The following SRGAP2C variants were observed in gnomAD, a reference collection of about 807,000 sequenced individuals.
The protein encoded by SRGAP2C is SLIT-ROBO Rho GTPase-activating protein 2C.
Under a neutral mutation model 25.1 loss-of-function variants are expected in SRGAP2C, and 15 were observed. That is an observed-to-expected ratio of 0.60 (90% confidence interval 0.40 to 0.92). The LOEUF (loss-of-function observed/expected upper bound fraction) is 0.92, where lower values mean the gene tolerates loss of function less well. Among genes scored for constraint, SRGAP2C ranks in the 40% least tolerant of loss-of-function variants. The probability of loss-of-function intolerance (pLI) is 0.00; values close to 1 mark genes in which losing one functional copy is unlikely to be tolerated. For missense variants in SRGAP2C, 144 were observed against 264.4 expected (o/e 0.54, Z 3.16); for synonymous variants, 44 against 96.6 (o/e 0.46, Z 3.19).
At chr1:121,312,675 G>A (rs1385101866) in intron 3 of SRGAP2C, among the ~76,000 whole-genome samples, 1 of 77,098 alleles carries the variant, frequency 1.3e-5, no homozygotes. Context: ...CCTTCATTTT[G>A]TTATGTACCC....
rs1658520452 is a variant in SRGAP2C, at chr1:121,336,575, T to C, written c.423+11935T>C. ...TATTCTTTTGAATAATCTTTTAAAT[T>C]TTATAGTAGATGTATATGTTATAGA... On this transcript the variant is annotated intron_variant, in intron 4 of 9. Coordinates refer to ENST00000367123, the MANE Select transcript of SRGAP2C (RefSeq NM_001329984.2). Among the ~76,000 whole-genome samples the C allele has an allele frequency of 2.2e-5, 2 of 91,168 alleles. 1 individual carries two copies. Among genetic ancestry groups the C allele is most frequent in the African/African-American group, 7.7e-5 (2 of 25,914 alleles). The allele number at this position is 91,168 out of a possible 152,430, so 59.8% of individuals were successfully genotyped here.
Position 121,337,634 on chromosome 1 carries a change from A to AAAATAAATAAAT in SRGAP2C, c.423+13010_423+13021dup, listed in dbSNP as rs1553342625. On this transcript the variant is annotated intron_variant, in intron 4 of 9. Coordinates refer to ENST00000367123, the MANE Select transcript of SRGAP2C (RefSeq NM_001329984.2). ...GTGACAGAGCAAAACTCCGACTCAA[A>AAAATAAATAAAT]AAATAAATAAATAAATAAATAAATA... 2.2e-3 allele frequency among the ~76,000 whole-genome samples: 312 copies of AAAATAAATAAAT among 143,306 alleles called. 2 individuals carry two copies. Among genetic ancestry groups the AAAATAAATAAAT allele is most frequent in the African/African-American group, 7.4e-3 (286 of 38,484 alleles). 94.0% of individuals were successfully genotyped at this position (143,306 alleles called of 152,430 possible).
chr1:121,279,032 G>A (rs1246897822), intron 2 of SRGAP2C, among the ~76,000 whole-genome samples: 1 of 152,144 alleles, frequency 6.6e-6, no homozygotes, highest in Admixed American at 6.6e-5. Flanking sequence ...GCTAAAAGCA[G>A]GTGAGGCAGA....
chr1:121,293,656 G>A (rs1190915321), intron 3 of SRGAP2C, among the ~76,000 whole-genome samples: 6 of 152,062 alleles, frequency 3.9e-5, no homozygotes, highest in African/African-American at 1.2e-4. Flanking sequence ...ATTTTCAGTC[G>A]GTGAACTGTA....
chr1:121,284,732 G>A, intron 2 of SRGAP2C, 71 bp from the exon 3 acceptor site: 1 of 429,530 alleles, frequency 2.3e-6, no homozygotes, highest in Non-Finnish European at 3.9e-6. Flanking sequence ...TGGAAGGTGG[G>A]TGAATATTGG....
chr1:121,335,834 C>T (rs1553342428), intron 4 of SRGAP2C, among the ~76,000 whole-genome samples: 60 of 151,276 alleles, frequency 4.0e-4, no homozygotes, highest in African/African-American at 1.4e-3. Context: ...CTTTTTTTTA[C>T]ATGCCTACTA....
intron 2 of SRGAP2C, among the ~76,000 whole-genome samples, chr1:121,202,047 C>G (rs1654996932): frequency 1.3e-5 from 2 of 152,162 alleles, no homozygotes; most frequent in Non-Finnish European, 2.9e-5. Flanking sequence ...TGTCAGCTAA[C>G]CTTTAAAATC....
intron 3 of SRGAP2C, among the ~76,000 whole-genome samples, chr1:121,298,240 C>T (rs2101582597): frequency 6.6e-6 from 1 of 151,596 alleles, no homozygotes; most frequent in East Asian, 2.0e-4. Flanking sequence ...ACTTTTAGAT[C>T]CAGGCTCATA....
intron 2 of SRGAP2C, among the ~76,000 whole-genome samples, chr1:121,238,695 C>T (rs1212201228): frequency 1.3e-5 from 2 of 151,516 alleles, no homozygotes; most frequent in Non-Finnish European, 2.9e-5. Flanking sequence ...CTCACTGTAA[C>T]CTCAGACTCC....
chr1:121,204,654 G>A (rs1475381814), intron 2 of SRGAP2C, among the ~76,000 whole-genome samples: 2 of 151,894 alleles, frequency 1.3e-5, no homozygotes, highest in Non-Finnish European at 2.9e-5. Context: ...TTTATATTCT[G>A]TTTACTCATT....
In SRGAP2C at chr1:121,300,308, A is replaced by G. The variant is rs1369721548; in HGVS notation, c.260+15313A>G. Among the ~76,000 whole-genome samples the G allele has an allele frequency of 2.3e-5, 2 of 88,134 alleles. 1 individual carries two copies. The highest frequency in any genetic ancestry group is 4.9e-5 in the Non-Finnish European group (2 of 40,440). 57.8% of individuals were successfully genotyped at this position (88,134 alleles called of 152,430 possible). The stretch of plus-strand genomic sequence containing the variant: ...TCTGGTGAGGCCTCAGGGAGCTTAC[A>G]ATCATGGCAGAAGGCACCGGGGAGC... On this transcript the variant is annotated intron_variant, in intron 3 of 9. Transcript: ENST00000367123.
chr1:121,321,175 T>G (rs1464285993), intron 3 of SRGAP2C, among the ~76,000 whole-genome samples: 1 of 142,286 alleles, frequency 7.0e-6, no homozygotes, highest in Non-Finnish European at 1.5e-5. Flanking sequence ...GCAGGGAAAC[T>G]GGGTCCTGGG....
At chr1:121,329,293 C>T (rs1291012824) in intron 4 of SRGAP2C, among the ~76,000 whole-genome samples, 28 of 152,106 alleles carry the variant, frequency 1.8e-4, no homozygotes, top group Admixed American at 7.2e-4. Context: ...TAGAATCCAA[C>T]GTTTTCATCT....
At chr1:121,228,186 C>T (rs1655728507) in intron 2 of SRGAP2C, among the ~76,000 whole-genome samples, 1 of 87,610 alleles carries the variant, frequency 1.1e-5, no homozygotes, top group African/African-American at 5.8e-5. Context: ...CTTTGGGAAG[C>T]TGGGACAAAG....
At chr1:121,327,565 T>TAA (rs1397203649) in intron 4 of SRGAP2C, among the ~76,000 whole-genome samples, 36,736 of 78,094 alleles carry the variant, frequency 0.47, 10,162 homozygotes, top group East Asian at 0.72. Context: ...CCCTGACTCC[T>TAA]AAAAAAAAAA....
chr1:121,383,249 ACAG>A (rs1297688242), intron 8 of SRGAP2C, among the ~76,000 whole-genome samples: 6 of 144,450 alleles, frequency 4.2e-5, no homozygotes, highest in African/African-American at 1.6e-4. Context: ...AAGGTGAAAA[ACAG>A]CAGGTATATT....
chr1:121,356,547 G>GT (rs1261902922), intron 4 of SRGAP2C, among the ~76,000 whole-genome samples: 1 of 151,146 alleles, frequency 6.6e-6, no homozygotes, highest in Non-Finnish European at 1.5e-5. Flanking sequence ...CGTGTTGCCT[G>GT]TTTGCTTTTG....
At position 121,324,459 on chromosome 1, in the gene SRGAP2C, C is replaced by T. The variant is rs1241703349; in HGVS notation, c.261-19C>T. 5.6e-6 allele frequency: 9 copies of T among 1,609,352 alleles called. No individual in the cohort carries two copies. The African/African-American group carries it at 1.2e-4, about 22-fold the overall frequency. ...CTGTGTATCAACAATGACTTCTTTT[C>T]CTTGATGTTTCTTCACAGGAAGGAT... On this transcript the variant is annotated intron_variant, in intron 3 of 9. Transcript: ENST00000367123.
chr1:121,211,205 G>C (rs1335079170), intron 2 of SRGAP2C, among the ~76,000 whole-genome samples: 1 of 151,388 alleles, frequency 6.6e-6, no homozygotes, highest in Admixed American at 6.6e-5. Flanking sequence ...ATTTGTACTT[G>C]GTCTTTTCTT....
Sources: allele counts gnomAD v4.1 joint callset (sites outside exome capture counted in the v4.1 genomes callset), GRCh38; gene constraint gnomAD v4.1.1; transcripts MANE v1.5; gene names NCBI Gene and HGNC (gene_info 2026-07-23, HGNC 2026-07-21).